Variants in CSMD1 observed in about 807,000 individuals in gnomAD.
CSMD1 encodes CUB and Sushi multiple domains 1.
CSMD1 carries 213 observed loss-of-function variants against 417.5 expected under a neutral mutation model. That is an observed-to-expected ratio of 0.51 (90% CI 0.46 to 0.57). CSMD1 has a LOEUF of 0.57. Among genes scored for constraint, CSMD1 ranks in the 20% least tolerant of loss-of-function variants. The pLI is 0.00. For synonymous variants in CSMD1, 2,862 were observed against 1,736.8 expected (o/e 1.65, Z -16.11); for missense variants, 6,923 against 4,529.7 (o/e 1.53, Z -15.17).
chr8:3,719,046 T>C (rs1563307009), intron 6 of CSMD1, among the ~76,000 whole-genome samples: 1 of 152,138 alleles, frequency 6.6e-6, no homozygotes, highest in Non-Finnish European at 1.5e-5. Context: ...CTCTACGTAT[T>C]GAGATGTAGA....
At chr8:4,253,350 TATTATA>T (rs1394951759) in intron 3 of CSMD1, among the ~76,000 whole-genome samples, 2 of 151,824 alleles carry the variant, frequency 1.3e-5, no homozygotes, top group African/African-American at 4.8e-5. Flanking sequence ...TATCACTGTA[TATTATA>T]ATTACGCATT....
intron 26 of CSMD1, among the ~76,000 whole-genome samples, chr8:3,283,232 G>T (rs887439098): frequency 6.6e-6 from 1 of 152,056 alleles, no homozygotes; most frequent in East Asian, 1.9e-4. Flanking sequence ...TGCAAGCAGA[G>T]AATCAAAGCG....
intron 6 of CSMD1, among the ~76,000 whole-genome samples, chr8:3,722,602 C>T (rs1333726911): frequency 6.6e-6 from 1 of 152,132 alleles, no homozygotes; most frequent in African/African-American, 2.4e-5. Flanking sequence ...TAAAAGGACC[C>T]TGGTGGGAAA....
chr8:4,500,127 C>G lies in CSMD1; in HGVS notation c.303-80062G>C, dbSNP rs66953864. 1.3e-3 allele frequency among the ~76,000 whole-genome samples: 181 copies of G among 139,626 alleles called. 1 individual carries two copies. Among genetic ancestry groups the G allele is most frequent in the Non-Finnish European group, 1.7e-3 (104 of 62,016 alleles). 91.6% of individuals were successfully genotyped at this position (139,626 alleles called of 152,430 possible). A position where few individuals can be genotyped will look rare whatever the true frequency, so the allele number is the denominator to read the frequency against. ...TAAAGAGGCTGGGAGAATACAATGT[C>G]TCTGAAGAGGAGAAGTTATACGAGG... On this transcript the variant is annotated intron_variant, in intron 2 of 69. Coordinates refer to ENST00000635120, the MANE Select transcript of CSMD1 (RefSeq NM_033225.6).
chr8:4,250,154 G>A (rs1184178959), intron 3 of CSMD1, among the ~76,000 whole-genome samples: 2 of 152,156 alleles, frequency 1.3e-5, no homozygotes, highest in African/African-American at 4.8e-5. Flanking sequence ...GAGCTTCTCA[G>A]CCTCTAGAAC....
At chr8:3,077,352 A>C (rs577683654) in intron 49 of CSMD1, among the ~76,000 whole-genome samples, 1 of 152,260 alleles carries the variant, frequency 6.6e-6, no homozygotes, top group East Asian at 1.9e-4. Context: ...CCCTGAAATG[A>C]GAAGATGAGA....
chr8:4,270,637 C>G (rs1363724491), intron 3 of CSMD1, among the ~76,000 whole-genome samples: 1 of 152,152 alleles, frequency 6.6e-6, no homozygotes, highest in Non-Finnish European at 1.5e-5. Flanking sequence ...TAAACCTGCC[C>G]CTCAAATGAA....
chr8:3,357,583 G>A (rs1176568112), intron 21 of CSMD1, among the ~76,000 whole-genome samples: 3 of 152,160 alleles, frequency 2.0e-5, no homozygotes, highest in Non-Finnish European at 4.4e-5. Flanking sequence ...GACTCTGGAT[G>A]AAATAGAATA....
chr8:3,096,902 A>G lies in CSMD1; in HGVS notation c.7085T>C (p.Phe2362Ser). ...CTTTTCACTTTGAAATGTGTCCACAAAGATGGTAATGTTGTAGTTTGGTTC... is the reference window on the plus strand; with the variant it reads ...CTTTTCACTTTGAAATGTGTCCACAGAGATGGTAATGTTGTAGTTTGGTTC... ...KVEPNYNITI[F>S]VDTFQSEKQF... The change falls in exon 47 of 70, where the codon TTT becomes TCT. Residue 2362 changes from phenylalanine to serine, a missense_variant. By Grantham distance (155) the Phe-to-Ser change is radical (BLOSUM62 -2). Coordinates refer to ENST00000635120, the MANE Select transcript of CSMD1 (RefSeq NM_033225.6). 6.4e-7 allele frequency: 1 copy of G among 1,557,562 alleles called. No individual in the cohort carries two copies. Among genetic ancestry groups the G allele is most frequent in the Non-Finnish European group, 8.7e-7 (1 of 1,149,398 alleles).
At chr8:4,257,819 T>A (rs1172841627) in intron 3 of CSMD1, among the ~76,000 whole-genome samples, 1 of 152,192 alleles carries the variant, frequency 6.6e-6, no homozygotes, top group Non-Finnish European at 1.5e-5. Flanking sequence ...TGAGGTTGCA[T>A]GCATAGGGAA....
chr8:4,187,566 C>A (rs1164785697), intron 3 of CSMD1, among the ~76,000 whole-genome samples: 2 of 149,838 alleles, frequency 1.3e-5, no homozygotes, highest in African/African-American at 2.5e-5. Context: ...ATCGCCTGAA[C>A]CCAGGAGGCT....
rs185810058 is a variant in CSMD1 at position 4,900,230 on chromosome 8, C to T, written c.85+94102G>A. 9.9e-5 allele frequency among the ~76,000 whole-genome samples: 15 copies of T among 152,234 alleles called. No homozygotes were observed. In the East Asian group the frequency reaches 2.5e-3, roughly 26 times the overall value. ...CGGGTTGGGTGCCTCTATCTCCAAC[C>T]TCCCTTCGAGCTTCACCTGCCAGTG... On this transcript the variant is annotated intron_variant, in intron 1 of 69. Coordinates refer to ENST00000635120, the MANE Select transcript of CSMD1 (RefSeq NM_033225.6).
intron 2 of CSMD1, among the ~76,000 whole-genome samples, chr8:4,455,308 C>A (rs1324581998): frequency 6.6e-6 from 1 of 152,080 alleles, no homozygotes. Context: ...CATCCATTAG[C>A]AAAGAAGATG....
chr8:4,519,315 G>C (rs1022134219), intron 2 of CSMD1, among the ~76,000 whole-genome samples: 1 of 151,810 alleles, frequency 6.6e-6, no homozygotes, highest in African/African-American at 2.4e-5. Flanking sequence ...TAAATGCATG[G>C]ATGAATGAAC....
At chr8:4,213,163 C>G (rs184403491) in intron 3 of CSMD1, among the ~76,000 whole-genome samples, 1 of 152,034 alleles carries the variant, frequency 6.6e-6, no homozygotes, top group East Asian at 1.9e-4. Flanking sequence ...GGATATAAAC[C>G]AAATGGGGAG....
At chr8:4,542,067 C>T (rs111538343) in intron 2 of CSMD1, among the ~76,000 whole-genome samples, 36 of 152,200 alleles carry the variant, frequency 2.4e-4, no homozygotes, top group African/African-American at 8.7e-4. Context: ...GCAATGGGCG[C>T]CCTCTAGCTT....
chr8:3,686,247 C>A (rs538548811), intron 7 of CSMD1, among the ~76,000 whole-genome samples: 9 of 152,086 alleles, frequency 5.9e-5, no homozygotes, highest in African/African-American at 1.9e-4. Context: ...CGTGGATAAT[C>A]AGAGCGCTTG....
intron 1 of CSMD1, among the ~76,000 whole-genome samples, chr8:4,793,470 C>T (rs1394270562): frequency 6.6e-6 from 1 of 152,090 alleles, no homozygotes; most frequent in African/African-American, 2.4e-5. Flanking sequence ...CCCCTCTCTC[C>T]TCCCCACCAT....
At chr8:3,304,203 T>G (rs1263955502) in intron 25 of CSMD1, among the ~76,000 whole-genome samples, 2 of 152,170 alleles carry the variant, frequency 1.3e-5, no homozygotes, top group Admixed American at 1.3e-4. Context: ...TAAGATATTT[T>G]AAAGAGCTAA....
Sources: allele counts gnomAD v4.1 joint callset (sites outside exome capture counted in the v4.1 genomes callset), GRCh38; gene constraint gnomAD v4.1.1; transcripts MANE v1.5; gene names NCBI Gene and HGNC (gene_info 2026-07-23, HGNC 2026-07-21).